The following UCHL5 variants were observed in gnomAD, a reference collection of about 807,000 sequenced individuals.
UCHL5 encodes the protein ubiquitin C-terminal hydrolase L5.
A neutral mutation model predicts 53.8 loss-of-function variants in UCHL5; 34 were observed. That is an observed-to-expected ratio of 0.63 (90% CI 0.48 to 0.84). The LOEUF (loss-of-function observed/expected upper bound fraction) is 0.84, where lower values mean the gene tolerates loss of function less well. UCHL5 is among the 40% of genes least tolerant of loss of function. The pLI, the probability that UCHL5 is intolerant of heterozygous loss-of-function variation, is 0.00. For missense variants in UCHL5, 290 were observed against 385.6 expected (o/e 0.75, Z 2.08); for synonymous variants, 111 against 126.3 (o/e 0.88, Z 0.81).
intron 3 of UCHL5, among the ~76,000 whole-genome samples, chr1:193,034,392 C>A (rs545594011): frequency 1.3e-5 from 2 of 151,806 alleles, no homozygotes; most frequent in African/African-American, 4.8e-5. Context: ...CTTACCAGAA[C>A]CAACTCAAGA....
At chr1:193,020,801 TA>T (rs1313642639) in intron 10 of UCHL5, among the ~76,000 whole-genome samples, 2 of 151,986 alleles carry the variant, frequency 1.3e-5, no homozygotes, top group Admixed American at 1.3e-4. Context: ...TTATCAGCAT[TA>T]AAAATCTACT....
chr1:193,041,209 T>C (rs1274434251), intron 3 of UCHL5, among the ~76,000 whole-genome samples: 1 of 152,218 alleles, frequency 6.6e-6, no homozygotes, highest in Non-Finnish European at 1.5e-5. Flanking sequence ...AATTTGATCT[T>C]TATAAATTAT....
chr1:193,049,956 G>C, intron 2 of UCHL5, 105 bp from the exon 3 acceptor site: 1 of 973,992 alleles, frequency 1.0e-6, no homozygotes, highest in Non-Finnish European at 1.4e-6. Context: ...TAATACAAAT[G>C]AAGTAAATAT....
intron 1 of UCHL5, among the ~76,000 whole-genome samples, chr1:193,053,961 A>C (rs1433227541): frequency 1.3e-5 from 2 of 151,826 alleles, no homozygotes; most frequent in African/African-American, 4.8e-5. Context: ...TATGAAGCAT[A>C]TATAGAACAT....
At chr1:193,035,453 AAAG>A (rs1367599719) in intron 3 of UCHL5, among the ~76,000 whole-genome samples, 2 of 151,952 alleles carry the variant, frequency 1.3e-5, no homozygotes, top group Non-Finnish European at 2.9e-5. Context: ...TCAAATTCTA[AAAG>A]AAGAAAAAAA....
chr1:193,059,265 C>G lies in UCHL5; in HGVS notation c.-5G>C. On this transcript the variant is annotated 5_prime_UTR_variant, in exon 1 of 11. Transcript: ENST00000367454. This position sits in a 1 kb window ranked among gnomAD's most constrained non-coding sequence, Gnocchi z 4.9. ...CTCCCCGGCATTGCCCGTCATGGCC[C>G]TGGCCACACACCGCCCCGATCCACC... 6.2e-7 allele frequency: 1 copy of G among 1,613,990 alleles called. No homozygotes were observed. Among genetic ancestry groups the G allele is most frequent in the Non-Finnish European group, 8.5e-7 (1 of 1,179,980 alleles).
At chr1:193,019,932 A>T in intron 10 of UCHL5, 1 of 977,754 alleles carries the variant, frequency 1.0e-6, no homozygotes, top group Non-Finnish European at 1.2e-6. Context: ...AGTTATTTTA[A>T]TATTTTTAAC....
At chr1:193,017,622 G>T (rs1353697396) in intron 10 of UCHL5, among the ~76,000 whole-genome samples, 1 of 151,418 alleles carries the variant, frequency 6.6e-6, no homozygotes, top group Non-Finnish European at 1.5e-5. Flanking sequence ...TTTCCTTATT[G>T]ATCTGAGTAT....
At chr1:193,054,998 T>C (rs767804772) in intron 1 of UCHL5, among the ~76,000 whole-genome samples, 9 of 152,152 alleles carry the variant, frequency 5.9e-5, no homozygotes, top group Middle Eastern at 3.2e-3. Context: ...CTGTAAACAT[T>C]ATAAAGACAC....
chr1:193,046,217 G>A (rs941172893), intron 3 of UCHL5, among the ~76,000 whole-genome samples: 11 of 149,122 alleles, frequency 7.4e-5, no homozygotes, highest in Admixed American at 7.4e-4. Context: ...TTTTTTTAGA[G>A]ACAGGGTCGC....
chr1:193,053,513 G>C (rs1669717537), intron 1 of UCHL5, among the ~76,000 whole-genome samples: 1 of 152,132 alleles, frequency 6.6e-6, no homozygotes. Flanking sequence ...ATCTAATACA[G>C]CATGGTATAA....
chr1:193,054,770 C>T (rs114276492), intron 1 of UCHL5, among the ~76,000 whole-genome samples: 1,776 of 152,210 alleles, frequency 0.012, 18 homozygotes, highest in South Asian at 0.034. Context: ...CATAATAGAC[C>T]TTCATGTTAA....
intron 3 of UCHL5, among the ~76,000 whole-genome samples, chr1:193,042,764 T>A (rs1260778511): frequency 6.6e-6 from 1 of 152,166 alleles, no homozygotes; most frequent in African/African-American, 2.4e-5. Context: ...TTCAGTAACT[T>A]TCTATTACTC....
chr1:193,051,932 T>C, intron 1 of UCHL5, 115 bp from the exon 2 acceptor site: 1 of 703,064 alleles, frequency 1.4e-6, no homozygotes. Flanking sequence ...ATGGTAAAAC[T>C]AATAAAGCTC....
chr1:193,019,229 T>G (rs1656003592), intron 10 of UCHL5, among the ~76,000 whole-genome samples: 1 of 151,612 alleles, frequency 6.6e-6, no homozygotes, highest in African/African-American at 2.4e-5. Context: ...TCCTGGCATT[T>G]ATCAAAATAA....
chr1:193,053,533 A>G (rs1669720463), intron 1 of UCHL5, among the ~76,000 whole-genome samples: 1 of 152,168 alleles, frequency 6.6e-6, no homozygotes, highest in African/African-American at 2.4e-5. Flanking sequence ...ATGGAAAGAG[A>G]AATAAGCGCT....
intron 1 of UCHL5, among the ~76,000 whole-genome samples, chr1:193,054,135 T>TAAAATGC (rs1358840256): frequency 1.3e-5 from 2 of 152,172 alleles, no homozygotes; most frequent in Non-Finnish European, 2.9e-5. Context: ...GTGCTAACGT[T>TAAAATGC]AAAATGCTTT....
In UCHL5 at chr1:193,016,111, A is replaced by G; in HGVS notation, c.*240T>C. 1 of 436,160 alleles carries G rather than the reference A, an allele frequency of 2.3e-6. No individual in the cohort carries two copies. The highest frequency in any genetic ancestry group is 4.4e-5 in the South Asian group (1 of 22,682). 27.0% of individuals were successfully genotyped at this position (436,160 alleles called of 1,614,324 possible). ...AGAAAACTAACAGTTGTCAGACTCAATGTCAAATAATGGAATTTGGGAAAG... is the reference window on the plus strand; with the variant it reads ...AGAAAACTAACAGTTGTCAGACTCAGTGTCAAATAATGGAATTTGGGAAAG... On this transcript the variant is annotated 3_prime_UTR_variant, in exon 11 of 11. Coordinates refer to ENST00000367454, the MANE Select transcript of UCHL5 (RefSeq NM_001199261.3).
chr1:193,039,646 A>G (rs2102647026), intron 3 of UCHL5, among the ~76,000 whole-genome samples: 2 of 152,302 alleles, frequency 1.3e-5, no homozygotes, highest in East Asian at 3.9e-4. Flanking sequence ...AGAAAAAGCA[A>G]TCCCAAAATT....
Sources: gnomAD v4.1 joint callset for allele counts (sites outside exome capture counted in the v4.1 genomes callset) on GRCh38, gnomAD v4.1.1 for gene constraint, Gnocchi (gnomAD v3.1) non-coding constraint, MANE v1.5 for transcripts, NCBI Gene and HGNC (gene_info 2026-07-23, HGNC 2026-07-21) for gene names.